The following RFX7 variants were observed in gnomAD, a reference collection of about 807,000 sequenced individuals.
RFX7 encodes DNA-binding protein RFX7.
Under a neutral mutation model 111.8 loss-of-function variants are expected in RFX7, and 26 were observed. The ratio of observed to expected loss-of-function variants is 0.23; its 90% CI spans 0.17 to 0.32. The LOEUF (loss-of-function observed/expected upper bound fraction) is 0.32. Among genes scored for constraint, RFX7 ranks in the 10% least tolerant of loss-of-function variants. The probability of loss-of-function intolerance (pLI) is 1.00; values close to 1 mark genes in which losing one functional copy is unlikely to be tolerated. For missense variants in RFX7, 1,573 were observed against 1,772.9 expected, an observed-to-expected ratio of 0.89 and a Z score of 2.02; for synonymous variants, 624 against 624.4, an observed-to-expected ratio of 1.00 and a Z score of 0.01.
chr15:56,092,145 A>G lies in RFX7; in HGVS notation c.*1200T>C, dbSNP rs985075095. 4 of 152,562 alleles carry G rather than the reference A, an allele frequency of 2.6e-5. No individual in the cohort carries two copies. Among genetic ancestry groups the G allele is most frequent in the Admixed American group, 6.5e-5 (1 of 15,268 alleles). The allele number at this position is 152,562 out of a possible 1,614,324, so 9.5% of individuals were successfully genotyped here. On this transcript the variant is annotated 3_prime_UTR_variant, in exon 10 of 10. Transcript: ENST00000559447. ...ACAAATCCTGAGTTCTTCTTTTGCA[A>G]TTGTGGTTATCACAATAAATAAATT...
chr15:56,177,090 G>A (rs756367703), intron 3 of RFX7, among the ~76,000 whole-genome samples: 3 of 152,116 alleles, frequency 2.0e-5, no homozygotes, highest in Non-Finnish European at 4.4e-5. Flanking sequence ...CCTTCCGTAA[G>A]TTCCAGCATA....
chr15:56,245,009 G>A (rs1339297537), upstream of RFX7, among the ~76,000 whole-genome samples: 1 of 152,142 alleles, frequency 6.6e-6, no homozygotes, highest in Non-Finnish European at 1.5e-5. Context: ...CTTTGGGCCC[G>A]TGGGTGTTAT....
At position 56,087,577 on chromosome 15, in the gene RFX7, A is replaced by C. The variant is rs973215008; in HGVS notation, c.*5768T>G. On this transcript the variant is annotated 3_prime_UTR_variant, in exon 10 of 10. Transcript: ENST00000559447. Reference sequence around the variant, plus strand: ...GAGTACTTGGTAAGTGTCTCCACTTAACTGCAAGGGAAGTTGGCAGATGCA... The same window carrying C: ...GAGTACTTGGTAAGTGTCTCCACTTCACTGCAAGGGAAGTTGGCAGATGCA... The C allele has an allele frequency of 2.2e-6, 1 of 456,468 alleles. No homozygotes were observed. The highest frequency in any genetic ancestry group is 4.4e-6 in the Non-Finnish European group (1 of 226,874). 28.3% of individuals were successfully genotyped at this position (456,468 alleles called of 1,614,324 possible).
In RFX7 at chr15:56,209,614, T is replaced by C. The variant is rs2043290321; in HGVS notation, c.162-30311A>G. 3.3e-5 allele frequency among the ~76,000 whole-genome samples: 5 copies of C among 152,086 alleles called. 1 individual carries two copies. In the South Asian group the frequency reaches 1.0e-3, roughly 32 times the overall value. On this transcript the variant is annotated intron_variant, in intron 2 of 9. Transcript: ENST00000559447. ...ATGTACTGAATTATGTATGCTCTTA[T>C]ACAGACACATATGCTTCTATATAAA...
At chr15:56,200,494 A>G (rs2141179958) in intron 2 of RFX7, among the ~76,000 whole-genome samples, 1 of 152,288 alleles carries the variant, frequency 6.6e-6, no homozygotes. Flanking sequence ...GTTACAAACC[A>G]TGCAGCTTAG....
chr15:56,164,071 G>GAAT (rs2042755539), intron 3 of RFX7, among the ~76,000 whole-genome samples: 1 of 152,194 alleles, frequency 6.6e-6, no homozygotes, highest in African/African-American at 2.4e-5. Context: ...TGTTTAAAAG[G>GAAT]AATAACCACT....
chr15:56,225,431 G>A (rs2043471955), intron 2 of RFX7, among the ~76,000 whole-genome samples: 2 of 152,152 alleles, frequency 1.3e-5, no homozygotes, highest in Admixed American at 1.3e-4. Context: ...TGCACTGCCA[G>A]TGCTGGAATA....
intron 2 of RFX7, among the ~76,000 whole-genome samples, chr15:56,232,982 C>G (rs1363411185): frequency 6.6e-6 from 1 of 152,182 alleles, no homozygotes; most frequent in African/African-American, 2.4e-5. Context: ...CTATCTTCTT[C>G]TGAGCTCTCC....
At chr15:56,105,839 C>G (rs1351802837) in intron 5 of RFX7, among the ~76,000 whole-genome samples, 1 of 151,940 alleles carries the variant, frequency 6.6e-6, no homozygotes, top group Non-Finnish European at 1.5e-5. Context: ...GAAGGAAAGG[C>G]TCATGTTTTT....
At chr15:56,130,411 A>G (rs2042196888) in intron 5 of RFX7, among the ~76,000 whole-genome samples, 1 of 149,598 alleles carries the variant, frequency 6.7e-6, no homozygotes, top group African/African-American at 2.4e-5. Flanking sequence ...AAACCCTCAA[A>G]CACCTGAAAA....
chr15:56,216,342 T>G (rs1596015551), intron 2 of RFX7, among the ~76,000 whole-genome samples: 2 of 152,174 alleles, frequency 1.3e-5, no homozygotes, highest in South Asian at 4.1e-4. Flanking sequence ...GGCAATTAAG[T>G]TTTCTAATAC....
Position 56,095,540 on chromosome 15 carries a change from G to T in RFX7, c.2188C>A (p.Gln730Lys), listed in dbSNP as rs1483963091. ...ACAAGGGCAGAGGAATTCAAGGGTT[G>T]ATTTGCTCCTATGTGTGAACTGACA... ...VNVSSHIGAN[Q>K]PLNSSALVIS... The change falls in exon 10 of 10, where the codon CAA (glutamine) becomes AAA (lysine). Residue 730 changes from glutamine to lysine, a missense_variant. Physicochemically the swap from Gln to Lys is moderately conservative, Grantham distance 53 (BLOSUM62 1). Transcript: ENST00000559447. 1.7e-5 allele frequency: 28 copies of T among 1,613,752 alleles called. No homozygotes were observed. The highest frequency in any genetic ancestry group is 2.2e-5 in the Non-Finnish European group (26 of 1,179,856).
At chr15:56,171,613 T>C (rs1174528725) in intron 3 of RFX7, among the ~76,000 whole-genome samples, 1 of 152,078 alleles carries the variant, frequency 6.6e-6, no homozygotes, top group East Asian at 1.9e-4. Flanking sequence ...TGCTAACAAC[T>C]TAGTTTTATC....
At chr15:56,115,417 A>G (rs558474153) in intron 5 of RFX7, among the ~76,000 whole-genome samples, 46 of 152,324 alleles carry the variant, frequency 3.0e-4, no homozygotes, top group African/African-American at 1.1e-3. Flanking sequence ...AGAAAGATTT[A>G]TAGTTGACAC....
chr15:56,113,355 T>C (rs191767324), intron 5 of RFX7, among the ~76,000 whole-genome samples: 9 of 152,278 alleles, frequency 5.9e-5, no homozygotes, highest in Admixed American at 4.6e-4. Flanking sequence ...TGCAGGGACA[T>C]GGATCAAGCT....
At chr15:56,099,929 T>C (rs1441520095) in intron 8 of RFX7, among the ~76,000 whole-genome samples, 1 of 152,214 alleles carries the variant, frequency 6.6e-6, no homozygotes, top group Non-Finnish European at 1.5e-5. Context: ...ACTTTGTGAA[T>C]GACAGAAATA....
At chr15:56,134,443 A>G (rs1250832053) in intron 5 of RFX7, among the ~76,000 whole-genome samples, 1 of 152,094 alleles carries the variant, frequency 6.6e-6, no homozygotes, top group African/African-American at 2.4e-5. Flanking sequence ...CCAGACTCAG[A>G]TATTTTGTGT....
At chr15:56,204,208 G>A (rs527765163) in intron 2 of RFX7, among the ~76,000 whole-genome samples, 114 of 151,830 alleles carry the variant, frequency 7.5e-4, no homozygotes, top group Non-Finnish European at 1.3e-3. Context: ...TAATAGAGAT[G>A]GGGTTTCACC....
chr15:56,140,823 T>G (rs977338781), intron 5 of RFX7, among the ~76,000 whole-genome samples: 35 of 152,146 alleles, frequency 2.3e-4, no homozygotes, highest in African/African-American at 8.2e-4. Flanking sequence ...AAGGAAAAAT[T>G]CAAATATTAT....
Sources: allele counts gnomAD v4.1 joint callset (sites outside exome capture counted in the v4.1 genomes callset), GRCh38; gene constraint gnomAD v4.1.1; transcripts MANE v1.5; gene names NCBI Gene and HGNC (gene_info 2026-07-23, HGNC 2026-07-21).